PDE4B: variants seen among roughly 807,000 people sequenced by gnomAD.
The protein encoded by PDE4B is 3',5'-cyclic-AMP phosphodiesterase 4B.
A neutral mutation model predicts 82.2 loss-of-function variants in PDE4B; 20 were observed. The ratio of observed to expected loss-of-function variants is 0.24; its 90% CI spans 0.17 to 0.35. PDE4B has a LOEUF of 0.35. Among genes scored for constraint, PDE4B ranks in the 10% least tolerant of loss-of-function variants. PDE4B has a pLI of 1.00. For missense variants in PDE4B, 655 were observed against 907.2 expected, an observed-to-expected ratio of 0.72 and a Z score of 3.57; for synonymous variants, 320 against 318.9, an observed-to-expected ratio of 1.00 and a Z score of -0.04.
chr1:66,367,583 G>A (rs1663340503), intron 13 of PDE4B, 113 bp from the exon 14 acceptor site: 1 of 804,946 alleles, frequency 1.2e-6, no homozygotes, highest in African/African-American at 1.7e-5. Context: ...ACATGTAGCT[G>A]GTGGTTCTTG....
chr1:65,962,645 G>A lies in PDE4B; in HGVS notation c.281+43810G>A, dbSNP rs1292399293. 3.3e-5 allele frequency among the ~76,000 whole-genome samples: 5 copies of A among 152,124 alleles called. No homozygotes were observed. In the East Asian group the frequency reaches 7.7e-4, roughly 23 times the overall value. Reference sequence around the variant, plus strand: ...GATTAGGAAGCTATCTACAGAAAGAGAAAAATGGAACAAGTACAGAGAGAA... The same window carrying A: ...GATTAGGAAGCTATCTACAGAAAGAAAAAAATGGAACAAGTACAGAGAGAA... On this transcript the variant is annotated intron_variant, in intron 3 of 16. Coordinates refer to ENST00000341517, the MANE Select transcript of PDE4B (RefSeq NM_002600.4).
chr1:65,864,348 G>A (rs1646487085), intron 1 of PDE4B, among the ~76,000 whole-genome samples: 1 of 151,914 alleles, frequency 6.6e-6, no homozygotes, highest in Non-Finnish European at 1.5e-5. Flanking sequence ...CCCACCTTTT[G>A]AAGCCTACTT....
At chr1:66,006,337 T>A (rs1335366101) in intron 3 of PDE4B, among the ~76,000 whole-genome samples, 1 of 152,212 alleles carries the variant, frequency 6.6e-6, no homozygotes, top group East Asian at 1.9e-4. Flanking sequence ...TATTTATTGC[T>A]GGATAATGCA....
At chr1:65,979,895 A>T (rs995413970) in intron 3 of PDE4B, among the ~76,000 whole-genome samples, 1 of 152,156 alleles carries the variant, frequency 6.6e-6, no homozygotes, top group Non-Finnish European at 1.5e-5. Context: ...AGAGTGAGTG[A>T]CAGAAGCTGT....
At chr1:66,233,233 A>G (rs1245343115) in intron 3 of PDE4B, among the ~76,000 whole-genome samples, 1 of 152,130 alleles carries the variant, frequency 6.6e-6, no homozygotes, top group African/African-American at 2.4e-5. Flanking sequence ...ATTATACATT[A>G]TGTACTCTAT....
chr1:65,985,472 A>T (rs2100662217), intron 3 of PDE4B, among the ~76,000 whole-genome samples: 1 of 152,336 alleles, frequency 6.6e-6, no homozygotes, highest in Middle Eastern at 3.4e-3. Flanking sequence ...GTAGGAAATA[A>T]TAAAAAGATA....
chr1:66,061,495 G>T (rs1448525825), intron 3 of PDE4B, among the ~76,000 whole-genome samples: 1 of 151,900 alleles, frequency 6.6e-6, no homozygotes, highest in East Asian at 1.9e-4. Flanking sequence ...AGAGAGAGAA[G>T]ATCGAATCAT....
At chr1:65,883,133 A>C (rs1646728623) in intron 1 of PDE4B, among the ~76,000 whole-genome samples, 1 of 152,218 alleles carries the variant, frequency 6.6e-6, no homozygotes, top group South Asian at 2.1e-4. Flanking sequence ...TGTCTTGGAA[A>C]TGCGGGCTCT....
chr1:66,299,538 T>C (rs1657740895), intron 7 of PDE4B, among the ~76,000 whole-genome samples: 1 of 152,184 alleles, frequency 6.6e-6, no homozygotes, highest in Admixed American at 6.6e-5. Context: ...GGTGCAGATA[T>C]CTCTCCAATA....
chr1:65,972,575 A>G (rs976371141), intron 3 of PDE4B, among the ~76,000 whole-genome samples: 6 of 152,180 alleles, frequency 3.9e-5, no homozygotes, highest in Non-Finnish European at 2.9e-5. Context: ...CCAAAAGGTG[A>G]CAATATTCTT....
At chr1:66,215,324 C>T (rs1307420098) in intron 3 of PDE4B, among the ~76,000 whole-genome samples, 1 of 152,124 alleles carries the variant, frequency 6.6e-6, no homozygotes, top group Non-Finnish European at 1.5e-5. Flanking sequence ...AGGTCAAAAT[C>T]CTAGGCCTGG....
intron 1 of PDE4B, among the ~76,000 whole-genome samples, chr1:65,890,922 G>C (rs1172532342): frequency 6.6e-6 from 1 of 152,020 alleles, no homozygotes; most frequent in Non-Finnish European, 1.5e-5. Flanking sequence ...TGGTTCTGGG[G>C]TGAGACTGCC....
chr1:66,353,114 G>A (rs890527055), intron 8 of PDE4B, among the ~76,000 whole-genome samples: 1 of 152,222 alleles, frequency 6.6e-6, no homozygotes, highest in Non-Finnish European at 1.5e-5. Flanking sequence ...CATTGTGACT[G>A]AGCAGTTGTG....
chr1:66,015,563 A>G (rs1652724067), intron 3 of PDE4B, among the ~76,000 whole-genome samples: 1 of 151,958 alleles, frequency 6.6e-6, no homozygotes, highest in Admixed American at 6.6e-5. Flanking sequence ...AAGCCATGAG[A>G]ACATTTGGAA....
chr1:66,353,292 A>G (rs1361147122), intron 8 of PDE4B, among the ~76,000 whole-genome samples: 1 of 152,246 alleles, frequency 6.6e-6, no homozygotes, highest in Non-Finnish European at 1.5e-5. Context: ...AGGGTTACCC[A>G]GAAGGAGGAT....
At chr1:66,124,436 C>T (rs766046444) in intron 3 of PDE4B, among the ~76,000 whole-genome samples, 7 of 152,188 alleles carry the variant, frequency 4.6e-5, no homozygotes, top group Non-Finnish European at 1.0e-4. Flanking sequence ...GTCTGCAGTG[C>T]TCCTATTTCG....
At chr1:66,071,729 G>C (rs1656164588) in intron 3 of PDE4B, among the ~76,000 whole-genome samples, 1 of 152,060 alleles carries the variant, frequency 6.6e-6, no homozygotes, top group Non-Finnish European at 1.5e-5. Context: ...TGTTATGACA[G>C]ATTTTTTGTA....
intron 3 of PDE4B, among the ~76,000 whole-genome samples, chr1:66,163,180 T>G (rs907433468): frequency 6.6e-6 from 1 of 152,212 alleles, no homozygotes; most frequent in African/African-American, 2.4e-5. Context: ...AGAATGGAAT[T>G]AACAATACCT....
At chr1:66,220,232 G>A (rs1650862627) in intron 3 of PDE4B, among the ~76,000 whole-genome samples, 1 of 152,280 alleles carries the variant, frequency 6.6e-6, no homozygotes, top group Admixed American at 6.5e-5. Context: ...CTGATAAGAA[G>A]AATGCTCTTT....
Sources: allele counts gnomAD v4.1 joint callset (sites outside exome capture counted in the v4.1 genomes callset), GRCh38; gene constraint gnomAD v4.1.1; transcripts MANE v1.5; gene names NCBI Gene and HGNC (gene_info 2026-07-23, HGNC 2026-07-21).